Variants in RSPO3 observed in about 807,000 individuals in gnomAD.
The protein encoded by RSPO3 is R-spondin 3, also known as R-spondin-3.
In RSPO3, 17 loss-of-function variants were observed where a neutral mutation model predicts 36.5. The observed-to-expected ratio is 0.47, with a 90% CI of 0.32 to 0.70. RSPO3 has a LOEUF of 0.70. Among genes scored for constraint, RSPO3 ranks in the 30% least tolerant of loss-of-function variants. RSPO3 has a pLI of 0.04. For synonymous variants in RSPO3, 108 were observed against 107.0 expected (o/e 1.01, Z -0.06); for missense variants, 294 against 322.5 (o/e 0.91, Z 0.68).
intron 1 of RSPO3, among the ~76,000 whole-genome samples, chr6:127,126,820 C>T (rs1334865312): frequency 1.3e-5 from 2 of 152,054 alleles, no homozygotes; most frequent in Admixed American, 6.6e-5. Flanking sequence ...ACTTCTACAA[C>T]ATCCCCACTG....
At chr6:127,189,140 T>A (rs953063259) in intron 4 of RSPO3, among the ~76,000 whole-genome samples, 1 of 152,104 alleles carries the variant, frequency 6.6e-6, no homozygotes, top group Non-Finnish European at 1.5e-5. Context: ...TAATTATTCT[T>A]ACTATTTTTA....
intron 1 of RSPO3, among the ~76,000 whole-genome samples, chr6:127,137,717 T>C (rs1175106324): frequency 6.6e-6 from 1 of 152,162 alleles, no homozygotes; most frequent in African/African-American, 2.4e-5. Context: ...CTTCCCCCTT[T>C]CCATTTGTCT....
intron 4 of RSPO3, among the ~76,000 whole-genome samples, chr6:127,183,884 A>C (rs927935956): frequency 1.3e-5 from 2 of 152,062 alleles, no homozygotes; most frequent in African/African-American, 4.8e-5. Flanking sequence ...TATAAAGGAA[A>C]CAGGTTTAAT....
In RSPO3 at chr6:127,145,223, A is replaced by G. The variant is rs757436771; in HGVS notation, c.98-3425A>G. On this transcript the variant is annotated intron_variant, in intron 1 of 4. Coordinates refer to ENST00000356698, the MANE Select transcript of RSPO3 (RefSeq NM_032784.5). Reference sequence around the variant, plus strand: ...CTCTTTCTTGTTCAGCCTACATGCCATTGGCCACTATATTTGGTTGGTACC... The same window carrying G: ...CTCTTTCTTGTTCAGCCTACATGCCGTTGGCCACTATATTTGGTTGGTACC... 1.9e-4 allele frequency among the ~76,000 whole-genome samples: 29 copies of G among 151,946 alleles called. 1 individual carries two copies. The Middle Eastern group carries it at 0.017, about 89-fold the overall frequency.
intron 1 of RSPO3, among the ~76,000 whole-genome samples, chr6:127,142,514 C>T (rs1475946885): frequency 6.6e-6 from 1 of 151,992 alleles, no homozygotes; most frequent in Non-Finnish European, 1.5e-5. Flanking sequence ...TAATCAAGTC[C>T]CAAGATATGG....
chr6:127,126,199 C>T (rs1057239075), intron 1 of RSPO3, among the ~76,000 whole-genome samples: 13 of 152,042 alleles, frequency 8.6e-5, no homozygotes, highest in Non-Finnish European at 1.5e-4. Flanking sequence ...GCCAGTAGGA[C>T]GTTTAGGAAC....
chr6:127,192,623 T>G (rs1267415081), intron 4 of RSPO3: 1 of 983,940 alleles, frequency 1.0e-6, no homozygotes, highest in Non-Finnish European at 1.2e-6. Flanking sequence ...TTTGATGTTT[T>G]CTACCCAAAC....
chr6:127,158,444 A>G (rs553779743), intron 4 of RSPO3, among the ~76,000 whole-genome samples: 26 of 152,284 alleles, frequency 1.7e-4, no homozygotes, highest in African/African-American at 5.8e-4. Flanking sequence ...AACAATAGAC[A>G]GAGGTAGATA....
intron 1 of RSPO3, among the ~76,000 whole-genome samples, chr6:127,140,102 T>C (rs1427062351): frequency 6.6e-6 from 1 of 152,140 alleles, no homozygotes. Context: ...TTAATTCATT[T>C]AAGGAATTAA....
chr6:127,169,906 C>T (rs922546776), intron 4 of RSPO3, among the ~76,000 whole-genome samples: 8 of 151,604 alleles, frequency 5.3e-5, no homozygotes, highest in Admixed American at 4.6e-4. Context: ...GGGGAGCCAC[C>T]TACTTGAGCC....
At chr6:127,121,407 C>T (rs2114530536) in intron 1 of RSPO3, among the ~76,000 whole-genome samples, 1 of 143,880 alleles carries the variant, frequency 7.0e-6, no homozygotes, top group East Asian at 1.9e-4. Context: ...CAAAGGAGAC[C>T]TCTGTTTGTG....
chr6:127,190,163 C>G (rs1315470060), intron 4 of RSPO3, among the ~76,000 whole-genome samples: 1 of 152,142 alleles, frequency 6.6e-6, no homozygotes, highest in East Asian at 1.9e-4. Flanking sequence ...GTGGCTCACA[C>G]CTGTAATCCC....
In RSPO3 at chr6:127,159,124, A is replaced by C. The variant is rs564108035; in HGVS notation, c.634+3686A>C. Among the ~76,000 whole-genome samples, 54 of 152,152 alleles carry C rather than the reference A, an allele frequency of 3.5e-4. 1 individual carries two copies. Among genetic ancestry groups the C allele is most frequent in the Non-Finnish European group, 1.5e-4 (10 of 68,026 alleles). ...ATAAGGAAAACTGAAACAGCTCAGGAAGATGTGTGTGCACCTGCATTTGAT... is the reference window on the plus strand; with the variant it reads ...ATAAGGAAAACTGAAACAGCTCAGGCAGATGTGTGTGCACCTGCATTTGAT... On this transcript the variant is annotated intron_variant, in intron 4 of 4. Coordinates refer to ENST00000356698, the MANE Select transcript of RSPO3 (RefSeq NM_032784.5).
chr6:127,141,066 C>T (rs746394881), intron 1 of RSPO3, among the ~76,000 whole-genome samples: 2 of 152,178 alleles, frequency 1.3e-5, no homozygotes, highest in Non-Finnish European at 2.9e-5. Flanking sequence ...TGTTTACTTA[C>T]TTATTAACTG....
chr6:127,132,129 T>A (rs1362300495), intron 1 of RSPO3, among the ~76,000 whole-genome samples: 1 of 151,968 alleles, frequency 6.6e-6, no homozygotes, highest in African/African-American at 2.4e-5. Flanking sequence ...CCCCTGATCC[T>A]GGGAGTATGC....
At chr6:127,147,128 G>A (rs1774401077) in intron 1 of RSPO3, among the ~76,000 whole-genome samples, 1 of 152,106 alleles carries the variant, frequency 6.6e-6, no homozygotes. Flanking sequence ...GTCTTGGAAT[G>A]AGAATGAGCT....
rs60147855 is a variant in RSPO3, at chr6:127,149,740, T to C, written c.290-686T>C. On this transcript the variant is annotated intron_variant, in intron 2 of 4. Coordinates refer to ENST00000356698, the MANE Select transcript of RSPO3 (RefSeq NM_032784.5). ...CAAAAAGCAGTCTGATCTGTTGTCC[T>C]GGGTTAGTTTTATAACTTTTGTGAG... is the stretch of plus-strand genomic sequence containing the variant. Among the ~76,000 whole-genome samples the C allele has an allele frequency of 4.6e-3, 707 of 152,220 alleles. 5 individuals carry two copies. Among genetic ancestry groups the C allele is most frequent in the African/African-American group, 0.016 (657 of 41,558 alleles).
At chr6:127,191,921 A>G (rs1775417323) in intron 4 of RSPO3, among the ~76,000 whole-genome samples, 1 of 152,176 alleles carries the variant, frequency 6.6e-6, no homozygotes, top group Non-Finnish European at 1.5e-5. Flanking sequence ...AATATTCTAT[A>G]TATAGACTCT....
chr6:127,146,261 C>A (rs1460513183), intron 1 of RSPO3, among the ~76,000 whole-genome samples: 1 of 151,010 alleles, frequency 6.6e-6, no homozygotes, highest in African/African-American at 2.4e-5. Context: ...TTTCAAAAAT[C>A]AAATTTTTAA....
Sources: allele counts gnomAD v4.1 joint callset (sites outside exome capture counted in the v4.1 genomes callset), GRCh38; gene constraint gnomAD v4.1.1; transcripts MANE v1.5; gene names NCBI Gene and HGNC (gene_info 2026-07-23, HGNC 2026-07-21).